The following RBMS1 variants were observed in gnomAD, a reference collection of about 807,000 sequenced individuals.
RBMS1 encodes RNA binding motif single stranded interacting protein 1, also known as RNA-binding motif, single-stranded-interacting protein 1.
Under a neutral mutation model 62.3 loss-of-function variants are expected in RBMS1, and 17 were observed. The observed-to-expected ratio is 0.27, with a 90% CI of 0.19 to 0.41. The LOEUF (loss-of-function observed/expected upper bound fraction) is 0.41. Ranked by LOEUF, RBMS1 falls within the 10% of genes least tolerant of loss-of-function variation. The pLI is 1.00. For synonymous variants in RBMS1, 172 were observed against 170.0 expected (o/e 1.01, Z -0.09); for missense variants, 334 against 504.5 (o/e 0.66, Z 3.24).
chr2:160,423,152 T>G (rs895558542), intron 1 of RBMS1, among the ~76,000 whole-genome samples: 23 of 152,212 alleles, frequency 1.5e-4, no homozygotes, highest in African/African-American at 5.1e-4. Context: ...ATACCCTCAC[T>G]TGACTTTCCC....
rs372939798 is a variant in RBMS1 at position 160,399,488 on chromosome 2, G to A, written c.76-32097C>T. On this transcript the variant is annotated intron_variant, in intron 1 of 13. Transcript: ENST00000348849. ...CTAATGTGCACCAGTATTATCTCCT[G>A]CATGCCACCAGTTTACTTCGCAAAG... Among the ~76,000 whole-genome samples, 3 of 149,896 alleles carry A rather than the reference G, an allele frequency of 2.0e-5. No homozygotes were observed. The East Asian group carries it at 5.9e-4, about 29-fold the overall frequency.
intron 2 of RBMS1, among the ~76,000 whole-genome samples, chr2:160,340,306 C>T (rs1050607999): frequency 1.3e-5 from 2 of 152,008 alleles, no homozygotes; most frequent in African/African-American, 4.8e-5. Flanking sequence ...CCAGTGACAG[C>T]TTTAAAAAGA....
chr2:160,288,983 T>C (rs1688547313), intron 6 of RBMS1, among the ~76,000 whole-genome samples: 1 of 152,086 alleles, frequency 6.6e-6, no homozygotes, highest in South Asian at 2.1e-4. Context: ...CAGGTGTGAA[T>C]AAAAGCAGGT....
At chr2:160,335,318 G>T (rs901802444) in intron 2 of RBMS1, among the ~76,000 whole-genome samples, 1 of 152,150 alleles carries the variant, frequency 6.6e-6, no homozygotes, top group African/African-American at 2.4e-5. Context: ...GAGTAGCTGG[G>T]AGAAGGAGGG....
intron 1 of RBMS1, among the ~76,000 whole-genome samples, chr2:160,368,475 A>G (rs1693532997): frequency 6.6e-6 from 1 of 152,172 alleles, no homozygotes; most frequent in Admixed American, 6.5e-5. Flanking sequence ...ATCAAATCCC[A>G]CAGTGGAAAG....
At chr2:160,454,549 A>T (rs1684135842) in intron 1 of RBMS1, among the ~76,000 whole-genome samples, 1 of 152,206 alleles carries the variant, frequency 6.6e-6, no homozygotes, top group Non-Finnish European at 1.5e-5. Context: ...CCATGTAAAG[A>T]ATGTGAGAAA....
chr2:160,351,880 G>A (rs183025436), intron 2 of RBMS1, among the ~76,000 whole-genome samples: 5 of 152,236 alleles, frequency 3.3e-5, no homozygotes, highest in African/African-American at 1.2e-4. Flanking sequence ...GTCAAACAGA[G>A]AGCATGAGAA....
At chr2:160,275,579 T>A in intron 13 of RBMS1, 51 bp downstream of exon 13, 2 of 1,595,446 alleles carry the variant, frequency 1.3e-6, no homozygotes, top group South Asian at 1.1e-5. Context: ...AAAAGCCCTA[T>A]AGATTGTGCT....
chr2:160,322,757 G>A (rs964038672), intron 2 of RBMS1, among the ~76,000 whole-genome samples: 1 of 152,156 alleles, frequency 6.6e-6, no homozygotes, highest in African/African-American at 2.4e-5. Context: ...ACAGACCCCA[G>A]AACTAGAAGA....
Position 160,363,544 on chromosome 2 carries a change from GTTC to G in RBMS1, c.251+3669_251+3671del, listed in dbSNP as rs558348782. On this transcript the variant is annotated intron_variant, in intron 2 of 13. Coordinates refer to ENST00000348849, the MANE Select transcript of RBMS1 (RefSeq NM_016836.4). The stretch of plus-strand genomic sequence containing the variant: ...ACTGTAGGGAGGGAGGAGTCAGCCG[GTTC>G]TTCTGGTAGGGAGAAGAAGGAAGAA... Among the ~76,000 whole-genome samples the G allele has an allele frequency of 2.8e-3, 431 of 152,074 alleles. 2 individuals are homozygous for G. The highest frequency in any genetic ancestry group is 4.1e-3 in the Admixed American group (62 of 15,252).
At chr2:160,371,754 G>T (rs548012796) in intron 1 of RBMS1, among the ~76,000 whole-genome samples, 2 of 152,098 alleles carry the variant, frequency 1.3e-5, no homozygotes, top group Non-Finnish European at 2.9e-5. Flanking sequence ...CGTCCTGTGT[G>T]GGCAGCATTC....
chr2:160,323,676 A>C (rs1690724492), intron 2 of RBMS1, among the ~76,000 whole-genome samples: 2 of 151,876 alleles, frequency 1.3e-5, no homozygotes, highest in Non-Finnish European at 2.9e-5. Flanking sequence ...CTTCAAAGTA[A>C]CTGGGTTAGA....
chr2:160,380,873 T>C (rs1159165773), intron 1 of RBMS1, among the ~76,000 whole-genome samples: 3 of 152,198 alleles, frequency 2.0e-5, no homozygotes, highest in Non-Finnish European at 2.9e-5. Context: ...TCCAGTTACA[T>C]AAAAATTGCT....
chr2:160,324,585 G>C (rs1291246008), intron 2 of RBMS1, among the ~76,000 whole-genome samples: 4 of 151,820 alleles, frequency 2.6e-5, no homozygotes, highest in Admixed American at 1.3e-4. Context: ...CTTTGAGAAA[G>C]GGCAGAATGT....
chr2:160,313,741 C>T (rs1183409718), intron 3 of RBMS1, among the ~76,000 whole-genome samples: 2 of 151,936 alleles, frequency 1.3e-5, no homozygotes, highest in Non-Finnish European at 2.9e-5. Flanking sequence ...CTATTAGACA[C>T]CCCCAATATA....
chr2:160,355,314 T>C (rs1692737502), intron 2 of RBMS1, among the ~76,000 whole-genome samples: 1 of 152,112 alleles, frequency 6.6e-6, no homozygotes. Context: ...CTGGAATTCA[T>C]GCATTACTTC....
At chr2:160,481,654 T>G (rs765852308) in intron 1 of RBMS1, among the ~76,000 whole-genome samples, 2 of 152,166 alleles carry the variant, frequency 1.3e-5, no homozygotes, top group Admixed American at 1.3e-4. Context: ...GGTATGTAAA[T>G]TATATCCCAA....
At chr2:160,403,718 C>T (rs929436972) in intron 1 of RBMS1, among the ~76,000 whole-genome samples, 4 of 152,210 alleles carry the variant, frequency 2.6e-5, no homozygotes, top group Admixed American at 6.5e-5. Flanking sequence ...CACTCCCCTA[C>T]CTCCAAAACC....
rs528971217 is a variant in RBMS1 at position 160,288,835 on chromosome 2, GT to G, written c.641-1752del. On this transcript the variant is annotated intron_variant, in intron 6 of 13. Coordinates refer to ENST00000348849, the MANE Select transcript of RBMS1 (RefSeq NM_016836.4). ...TAGACTGAAATTTAACCTTTTTTTTGTTTTTTTTAAAGAAGTTACTTGGCTC... is the reference window on the plus strand; with the variant it reads ...TAGACTGAAATTTAACCTTTTTTTTGTTTTTTTAAAGAAGTTACTTGGCTC... Among the ~76,000 whole-genome samples, 6 of 151,240 alleles carry G rather than the reference GT, an allele frequency of 4.0e-5. No homozygotes were observed. In the South Asian group the frequency reaches 8.3e-4, roughly 21 times the overall value.
Sources: allele counts gnomAD v4.1 joint callset (sites outside exome capture counted in the v4.1 genomes callset), GRCh38; gene constraint gnomAD v4.1.1; transcripts MANE v1.5; gene names NCBI Gene and HGNC (gene_info 2026-07-23, HGNC 2026-07-21).